The following SDK2 variants were observed in gnomAD, a reference collection of about 807,000 sequenced individuals.
The protein encoded by SDK2 is protein sidekick-2.
Under a neutral mutation model 253.9 loss-of-function variants are expected in SDK2, and 105 were observed. The observed-to-expected ratio is 0.41, with a 90% confidence interval of 0.35 to 0.49. The LOEUF (loss-of-function observed/expected upper bound fraction) is 0.49. Among genes scored for constraint, SDK2 ranks in the 20% least tolerant of loss-of-function variants. SDK2 has a pLI of 0.06. For missense variants in SDK2, 2,608 were observed against 3,003.0 expected, an observed-to-expected ratio of 0.87 and a Z score of 3.07; for synonymous variants, 1,249 against 1,234.9, an observed-to-expected ratio of 1.01 and a Z score of -0.24.
At chr17:73,366,143 T>C (rs9908457) in intron 37 of SDK2, among the ~76,000 whole-genome samples, 23,435 of 152,096 alleles carry the variant, frequency 0.15, 3,653 homozygotes, top group African/African-American at 0.38. Flanking sequence ...AATCCGGACC[T>C]GCTTCCGGCT....
chr17:73,382,245 C>G (rs1037609522), intron 33 of SDK2, among the ~76,000 whole-genome samples: 2 of 150,826 alleles, frequency 1.3e-5, no homozygotes, highest in Admixed American at 6.6e-5. Context: ...AGAAGAGGCT[C>G]TTAAACTGAC....
At position 73,435,782 on chromosome 17, in the gene SDK2, G is replaced by T. The variant is rs2063363877; in HGVS notation, c.1001-138C>A. 1 of 717,904 alleles carries T rather than the reference G, an allele frequency of 1.4e-6. No individual in the cohort carries two copies. Among genetic ancestry groups the T allele is most frequent in the Admixed American group, 3.0e-5 (1 of 33,044 alleles). 44.5% of individuals were successfully genotyped at this position (717,904 alleles called of 1,614,324 possible). A position where few individuals can be genotyped will look rare whatever the true frequency, so the allele number is the denominator to read the frequency against. The stretch of plus-strand genomic sequence containing the variant: ...TCTTGGTGTCTAGAACCTTCTCAGA[G>T]GTGCCACTTTGGGTCTAGGGAGAGG... On this transcript the variant is annotated intron_variant, in intron 8 of 44. Transcript: ENST00000392650. The surrounding 1 kb of genome is among the most constrained non-coding windows in gnomAD (Gnocchi z 5.7).
chr17:73,519,989 T>C (rs2064063822), intron 1 of SDK2: 1 of 152,266 alleles, frequency 6.6e-6, no homozygotes, highest in South Asian at 2.1e-4. Flanking sequence ...CAGCCCATTC[T>C]AGTCCCTGGC....
In SDK2 at chr17:73,511,801, G is replaced by A. The variant is rs1254114871; in HGVS notation, c.65-4204C>T. Among the ~76,000 whole-genome samples, 2 of 152,334 alleles carry A rather than the reference G, an allele frequency of 1.3e-5. No individual in the cohort carries two copies. The highest frequency in any genetic ancestry group is 3.9e-4 in the East Asian group (2 of 5,182). The stretch of plus-strand genomic sequence containing the variant: ...TCGTCTGAAAGCAAGAGATGGCAGG[G>A]GGCTGGCAGGGTGTGTGCTGTAGGA... On this transcript the variant is annotated intron_variant, in intron 1 of 44. Coordinates refer to ENST00000392650, the MANE Select transcript of SDK2 (RefSeq NM_001144952.2). The surrounding 1 kb of genome is among the most constrained non-coding windows in gnomAD (Gnocchi z 4.9).
intron 2 of SDK2, among the ~76,000 whole-genome samples, chr17:73,482,046 A>G (rs1467628916): frequency 6.6e-6 from 1 of 152,160 alleles, no homozygotes; most frequent in East Asian, 1.9e-4. Flanking sequence ...AGGCTGAGGC[A>G]GGAGGATCAC....
intron 10 of SDK2, among the ~76,000 whole-genome samples, chr17:73,433,306 G>C (rs138646968): frequency 6.6e-6 from 1 of 151,224 alleles, no homozygotes; most frequent in Non-Finnish European, 1.5e-5. Context: ...TTTTTGAGAC[G>C]GAGTCTCGCT....
intron 21 of SDK2, among the ~76,000 whole-genome samples, chr17:73,400,455 G>A (rs2063012816): frequency 6.6e-6 from 1 of 152,176 alleles, no homozygotes; most frequent in Non-Finnish European, 1.5e-5. Flanking sequence ...AGGGACTGGT[G>A]GGGAAATGAG....
intron 44 of SDK2, among the ~76,000 whole-genome samples, chr17:73,345,776 G>A (rs780890787): frequency 7.9e-5 from 12 of 152,194 alleles, no homozygotes; most frequent in Non-Finnish European, 1.6e-4. Flanking sequence ...TGGCCTTAAT[G>A]CCACCAGTGC....
At chr17:73,346,490 C>G (rs965107385) in intron 44 of SDK2, among the ~76,000 whole-genome samples, 2 of 151,914 alleles carry the variant, frequency 1.3e-5, no homozygotes, top group African/African-American at 4.8e-5. Context: ...AAAGTTCCAT[C>G]AAACAGGCCT....
intron 2 of SDK2, among the ~76,000 whole-genome samples, chr17:73,474,113 C>T (rs760186959): frequency 4.0e-4 from 61 of 152,284 alleles, no homozygotes; most frequent in Non-Finnish European, 6.2e-4. Context: ...GCAATCCTCC[C>T]ACCTCTGCCT....
chr17:73,527,018 A>G lies in SDK2; in HGVS notation c.65-19421T>C, dbSNP rs1340673271. Among the ~76,000 whole-genome samples, 3 of 152,244 alleles carry G rather than the reference A, an allele frequency of 2.0e-5. No individual in the cohort carries two copies. In the East Asian group the frequency reaches 5.8e-4, roughly 29 times the overall value. ...GCCTTCACAAGCTGGCCTGAGAGAT[A>G]GGATTCACACTGTGAGGGATGACTA... On this transcript the variant is annotated intron_variant, in intron 1 of 44. Coordinates refer to ENST00000392650, the MANE Select transcript of SDK2 (RefSeq NM_001144952.2).
intron 21 of SDK2, among the ~76,000 whole-genome samples, chr17:73,399,996 A>G (rs1286175545): frequency 6.6e-6 from 1 of 152,244 alleles, no homozygotes; most frequent in East Asian, 1.9e-4. Context: ...CAAAGCTCCC[A>G]GCACCATGCC....
chr17:73,602,562 C>T (rs1273653401), intron 1 of SDK2, among the ~76,000 whole-genome samples: 5 of 150,824 alleles, frequency 3.3e-5, no homozygotes, highest in Non-Finnish European at 5.9e-5. Context: ...GCAGAATCCT[C>T]CTTTTTTGAT....
chr17:73,357,751 T>C, intron 40 of SDK2: 1 of 399,810 alleles, frequency 2.5e-6, no homozygotes, highest in Non-Finnish European at 4.6e-6. Flanking sequence ...CACCCATCAG[T>C]GGGGTCGTGT....
At chr17:73,572,817 T>C (rs758957831) in intron 1 of SDK2, among the ~76,000 whole-genome samples, 48 of 152,230 alleles carry the variant, frequency 3.2e-4, no homozygotes, top group Non-Finnish European at 5.7e-4. Context: ...GTCTTCCATC[T>C]ACTCCTCCAC....
chr17:73,498,175 G>A (rs974059280), intron 2 of SDK2, among the ~76,000 whole-genome samples: 1 of 152,166 alleles, frequency 6.6e-6, no homozygotes, highest in Non-Finnish European at 1.5e-5. Context: ...GGTCACAACC[G>A]GCACCCATTG....
rs1369626401 is a variant in SDK2 at position 73,534,951 on chromosome 17, A to G, written c.65-27354T>C. ...AACCCAGGAGGAGGGAGGCAGCCTGAAACTCCAAGGGGCAGGTGGGGTCTC... is the reference window on the plus strand; with the variant it reads ...AACCCAGGAGGAGGGAGGCAGCCTGGAACTCCAAGGGGCAGGTGGGGTCTC... On this transcript the variant is annotated intron_variant, in intron 1 of 44. Transcript: ENST00000392650. This position sits in a 1 kb window ranked among gnomAD's most constrained non-coding sequence, Gnocchi z 4.9. Among the ~76,000 whole-genome samples, 1 of 152,204 alleles carries G rather than the reference A, an allele frequency of 6.6e-6. No individual in the cohort carries two copies. Among genetic ancestry groups the G allele is most frequent in the Non-Finnish European group, 1.5e-5 (1 of 68,030 alleles).
intron 1 of SDK2, among the ~76,000 whole-genome samples, chr17:73,585,121 G>A (rs372538238): frequency 1.3e-5 from 2 of 152,320 alleles, no homozygotes; most frequent in South Asian, 2.1e-4. Context: ...GACACCCAGC[G>A]GGGAAAGTGG....
intron 1 of SDK2, among the ~76,000 whole-genome samples, chr17:73,542,329 T>C (rs1022079565): frequency 6.6e-6 from 1 of 152,260 alleles, no homozygotes; most frequent in East Asian, 1.9e-4. Context: ...GCTGCTCCTG[T>C]GATGGAGGGG....
Sources: allele counts gnomAD v4.1 joint callset (sites outside exome capture counted in the v4.1 genomes callset), GRCh38; gene constraint gnomAD v4.1.1; non-coding constraint Gnocchi (gnomAD v3.1); transcripts MANE v1.5; gene names NCBI Gene and HGNC (gene_info 2026-07-23, HGNC 2026-07-21).